Variants in CD177 observed in about 807,000 individuals in gnomAD.
The protein encoded by CD177 is CD177 molecule.
CD177 carries 41 observed loss-of-function variants against 38.1 expected under a neutral mutation model. The ratio of observed to expected loss-of-function variants is 1.07; its 90% CI spans 0.84 to 1.39. The LOEUF is 1.39. CD177 is among the 40% of genes most tolerant of loss of function. CD177 has a pLI of 0.00. For synonymous variants in CD177, 236 were observed against 216.7 expected (o/e 1.09, Z -0.78); for missense variants, 619 against 523.8 (o/e 1.18, Z -1.77).
In CD177 at chr19:43,360,260, C is replaced by T. The variant is rs751332079; in HGVS notation, c.620-5C>T. 6.2e-7 allele frequency: 1 copy of T among 1,612,670 alleles called. No individual in the cohort carries two copies. Among genetic ancestry groups the T allele is most frequent in the Admixed American group, 1.7e-5 (1 of 59,902 alleles). ...TTACACACACCCTGGGATTCCTCTCCCCAGATTTTCTGACCTGTCATCGGG... is the reference window on the plus strand; with the variant it reads ...TTACACACACCCTGGGATTCCTCTCTCCAGATTTTCTGACCTGTCATCGGG... On this transcript the variant is annotated splice_polypyrimidine_tract_variant and splice_region_variant and intron_variant, in intron 5 of 8. Transcript: ENST00000618265.
chr19:43,364,147 A>G (rs1970010403), downstream of CD177, among the ~76,000 whole-genome samples: 1 of 152,202 alleles, frequency 6.6e-6, no homozygotes, highest in Admixed American at 6.5e-5. Flanking sequence ...TCCCTCTGTC[A>G]CAGTAACAGT....
rs780616547 is a variant in CD177, at chr19:43,362,328, A to T, written c.*8A>T. ...GTTTGCCCTTCCTGCTAACTCTATT[A>T]CCCCCACGATTCTTCACCGCTGCTG... On this transcript the variant is annotated 3_prime_UTR_variant, in exon 9 of 9. Transcript: ENST00000618265. 4.6e-5 allele frequency: 61 copies of T among 1,338,152 alleles called. No individual in the cohort carries two copies. The highest frequency in any genetic ancestry group is 1.8e-4 in the Middle Eastern group (1 of 5,444). 82.9% of individuals were successfully genotyped at this position (1,338,152 alleles called of 1,614,324 possible).
At chr19:43,355,911 C>T (rs1163870862) in intron 4 of CD177, 81 bp from the exon 5 acceptor site, 20 of 1,274,904 alleles carry the variant, frequency 1.6e-5, no homozygotes, top group East Asian at 2.4e-5. Context: ...GGCCTGGCTT[C>T]CTGGAGCTAT....
chr19:43,364,275 G>A (rs139033755), downstream of CD177, among the ~76,000 whole-genome samples: 3,236 of 152,292 alleles, frequency 0.021, 135 homozygotes, highest in African/African-American at 0.074. Context: ...TCCTGGGGGC[G>A]GGGCTGCTGG....
chr19:43,361,788 G>A (rs1326537211), intron 8 of CD177, among the ~76,000 whole-genome samples: 2 of 149,148 alleles, frequency 1.3e-5, no homozygotes, highest in Admixed American at 7.1e-5. Context: ...TGGTCCCAGG[G>A]AGGAGGGGCT....
In CD177 at chr19:43,353,907, C is replaced by A; in HGVS notation, c.107C>A (p.Ser36Tyr). The A allele has an allele frequency of 6.2e-7, 1 of 1,613,870 alleles. No individual in the cohort carries two copies. Among genetic ancestry groups the A allele is most frequent in the Middle Eastern group, 1.6e-4 (1 of 6,062 alleles). ...FGTVQHVWKVSDLPRQWTPKN... is the reference protein window; with the variant it reads ...FGTVQHVWKVYDLPRQWTPKN... ...ACAGTTCAGCATGTGTGGAAGGTGT[C>A]CGACCTGCCCCGGCAATGGACCCCT... The change falls in exon 2 of 9, where the codon TCC (serine) becomes TAC (tyrosine). Residue 36 changes from serine to tyrosine, a missense_variant. Coordinates refer to ENST00000618265, the MANE Select transcript of CD177 (RefSeq NM_020406.4).
rs780101663 is a variant in CD177, at chr19:43,355,648, G to A, written c.380-13G>A. The A allele has an allele frequency of 4.3e-6, 7 of 1,612,438 alleles. No individual in the cohort carries two copies. Among genetic ancestry groups the A allele is most frequent in the Non-Finnish European group, 1.7e-6 (2 of 1,179,060 alleles). ...CTCTCAGTGCCCCCTCACTCTGTCT[G>A]TCACTTTCCTAGACCCAGGATCCTT... On this transcript the variant is annotated splice_polypyrimidine_tract_variant and intron_variant, in intron 3 of 8. Coordinates refer to ENST00000618265, the MANE Select transcript of CD177 (RefSeq NM_020406.4).
At chr19:43,360,437 G>C (rs1303682352) in intron 6 of CD177, 32 bp downstream of exon 6, 1 of 1,555,918 alleles carries the variant, frequency 6.4e-7, no homozygotes, top group Non-Finnish European at 8.7e-7. Context: ...ACGAACACCT[G>C]TCCCAAGTCC....
rs1969996052 is a variant in CD177, at chr19:43,363,013, T to G, written c.*693T>G. 6.6e-6 allele frequency: 1 copy of G among 152,210 alleles called. No homozygotes were observed. The highest frequency in any genetic ancestry group is 2.4e-5 in the African/African-American group (1 of 41,450). The allele number at this position is 152,210 out of a possible 1,614,324, so 9.4% of individuals were successfully genotyped here. On this transcript the variant is annotated 3_prime_UTR_variant, in exon 9 of 9. Coordinates refer to ENST00000618265, the MANE Select transcript of CD177 (RefSeq NM_020406.4). ...GGTACAGCCCAATACACACCCAGGA[T>G]GGACGCTAGAGTCGACTGCTCCTAG... is the stretch of plus-strand genomic sequence containing the variant.
At chr19:43,362,067 G>C in intron 8 of CD177, 21 bp from the exon 9 acceptor site, 1 of 1,607,208 alleles carries the variant, frequency 6.2e-7, no homozygotes, top group Non-Finnish European at 8.5e-7. Flanking sequence ...TGTCCTTTCT[G>C]ACTTGGTCTT....
rs1351252246 is a variant in CD177 at position 43,362,356 on chromosome 19, C to T, written c.*36C>T. On this transcript the variant is annotated 3_prime_UTR_variant, in exon 9 of 9. Transcript: ENST00000618265. ...CCCACGATTCTTCACCGCTGCTGAC[C>T]ACCCACACTCAACCTCCCTCTGACC... The T allele has an allele frequency of 7.3e-6, 7 of 955,508 alleles. No individual in the cohort carries two copies. Among genetic ancestry groups the T allele is most frequent in the African/African-American group, 1.6e-5 (1 of 62,082 alleles). 59.2% of individuals were successfully genotyped at this position (955,508 alleles called of 1,614,324 possible).
downstream of CD177, among the ~76,000 whole-genome samples, chr19:43,364,023 A>T (rs1394304283): frequency 6.6e-6 from 1 of 152,206 alleles, no homozygotes; most frequent in African/African-American, 2.4e-5. Context: ...TCAAGGCTGC[A>T]GTGAGCCAAG....
Position 43,362,538 on chromosome 19 carries a change from G to A in CD177, c.*218G>A, listed in dbSNP as rs946196237. On this transcript the variant is annotated 3_prime_UTR_variant, in exon 9 of 9. Coordinates refer to ENST00000618265, the MANE Select transcript of CD177 (RefSeq NM_020406.4). ...CTATGGGAGAGGGGACGCTGGAGGA[G>A]TGGCTGCATGTATCTGATAATACAG... 3.3e-5 allele frequency: 15 copies of A among 459,736 alleles called. No individual in the cohort carries two copies. Among genetic ancestry groups the A allele is most frequent in the East Asian group, 2.1e-4 (6 of 28,928 alleles). 28.5% of individuals were successfully genotyped at this position (459,736 alleles called of 1,614,324 possible).
At position 43,354,710 on chromosome 19, in the gene CD177, C is replaced by A. The variant is rs1184799270; in HGVS notation, c.379+318C>A. 2.6e-5 allele frequency among the ~76,000 whole-genome samples: 4 copies of A among 152,228 alleles called. No homozygotes were observed. In the East Asian group the frequency reaches 7.7e-4, roughly 29 times the overall value. ...CCTGCATTCTTTTTTTATTCTGTTGCGTTTGGTTCAAGAAGTTCTCCTGCA... is the reference window on the plus strand; with the variant it reads ...CCTGCATTCTTTTTTTATTCTGTTGAGTTTGGTTCAAGAAGTTCTCCTGCA... On this transcript the variant is annotated intron_variant, in intron 3 of 8. Coordinates refer to ENST00000618265, the MANE Select transcript of CD177 (RefSeq NM_020406.4).
Position 43,354,327 on chromosome 19 carries a change from G to C in CD177, c.314G>C (p.Arg105Pro), listed in dbSNP as rs1311884896. Residue 105 changes from arginine to proline, a missense_variant, in exon 3 of 9, where the codon CGC becomes CCC. Physicochemically the swap from Arg to Pro is moderately radical, Grantham distance 103. Transcript: ENST00000618265. ...CTGATCTCCTACACCTTCGTGTGCC[G>C]CCAGGAGGACTTCTGCAACAACCTC... is the stretch of plus-strand genomic sequence containing the variant. ...LSLISYTFVC[R>P]QEDFCNNLVN... The C allele has an allele frequency of 3.1e-6, 5 of 1,613,766 alleles. No homozygotes were observed. The highest frequency in any genetic ancestry group is 1.7e-5 in the Admixed American group (1 of 59,998).
chr19:43,362,326 T>C lies in CD177; in HGVS notation c.*6T>C. On this transcript the variant is annotated 3_prime_UTR_variant, in exon 9 of 9. Transcript: ENST00000618265. ...TGGTTTGCCCTTCCTGCTAACTCTA[T>C]TACCCCCACGATTCTTCACCGCTGC... The C allele has an allele frequency of 7.3e-7, 1 of 1,366,158 alleles. No individual in the cohort carries two copies. The highest frequency in any genetic ancestry group is 1.3e-5 in the South Asian group (1 of 79,868). 84.6% of individuals were successfully genotyped at this position (1,366,158 alleles called of 1,614,324 possible).
chr19:43,355,207 G>A (rs1230128256), intron 3 of CD177, among the ~76,000 whole-genome samples: 26 of 139,032 alleles, frequency 1.9e-4, no homozygotes, highest in Admixed American at 7.7e-4. Context: ...TCCGACTCCC[G>A]GGTTCAAGCG....
At chr19:43,361,356 G>A in intron 7 of CD177, 28 bp downstream of exon 7, 1 of 1,588,608 alleles carries the variant, frequency 6.3e-7, no homozygotes. Context: ...GTGGAGAAAT[G>A]AGGCCCAGAC....
In CD177 at chr19:43,362,146, G is replaced by T. The variant is rs375865849; in HGVS notation, c.1140G>T (p.Leu380Phe). 4 of 1,613,786 alleles carry T rather than the reference G, an allele frequency of 2.5e-6. No individual in the cohort carries two copies. The highest frequency in any genetic ancestry group is 3.4e-6 in the Non-Finnish European group (4 of 1,179,780). Reference sequence around the variant, plus strand: ...GCGTGGCCCAACCTTCCAGCTTCTTGTTGAACCACACCAGACAAATCGGGA... The same window carrying T: ...GCGTGGCCCAACCTTCCAGCTTCTTTTTGAACCACACCAGACAAATCGGGA... ...QGCVAQPSSF[L>F]LNHTRQIGIF... is the part of the protein sequence containing the mutation. The change falls in exon 9 of 9, where the codon TTG (leucine) becomes TTT (phenylalanine). Residue 380 changes from leucine to phenylalanine, a missense_variant. Coordinates refer to ENST00000618265, the MANE Select transcript of CD177 (RefSeq NM_020406.4).
Sources: gnomAD v4.1 joint callset for allele counts (sites outside exome capture counted in the v4.1 genomes callset) on GRCh38, gnomAD v4.1.1 for gene constraint, MANE v1.5 for transcripts, NCBI Gene and HGNC (gene_info 2026-07-23, HGNC 2026-07-21) for gene names.